The following AEBP2 variants were observed in gnomAD, a reference collection of about 807,000 sequenced individuals.
AEBP2 encodes the protein zinc finger protein AEBP2.
Under a neutral mutation model 50.8 loss-of-function variants are expected in AEBP2, and 10 were observed. The observed-to-expected ratio is 0.20, with a 90% CI of 0.12 to 0.33. The LOEUF is 0.33. AEBP2 is among the 10% of genes least tolerant of loss of function. The pLI is 1.00. For missense variants in AEBP2, 570 were observed against 688.0 expected (o/e 0.83, Z 1.92); for synonymous variants, 296 against 261.3 (o/e 1.13, Z -1.28).
rs71067027 is a variant in AEBP2, at chr12:19,481,092, C to CTTTTTTTTTTTTTTTTTTTTTTTTTT, written c.987+7738_987+7763dup. Among the ~76,000 whole-genome samples the CTTTTTTTTTTTTTTTTTTTTTTTTTT allele has an allele frequency of 8.1e-5, 6 of 74,050 alleles. 2 individuals carry two copies. The highest frequency in any genetic ancestry group is 1.1e-4 in the African/African-American group (2 of 17,554). The allele number at this position is 74,050 out of a possible 152,430, so 48.6% of individuals were successfully genotyped here. A position where few individuals can be genotyped will look rare whatever the true frequency, so the allele number is the denominator to read the frequency against. ...TGTTATTGAAACTTTGCAGTGCATC[C>CTTTTTTTTTTTTTTTTTTTTTTTTTT]TTTTTTTTTTTTTTTTTTTTTTTTT... On this transcript the variant is annotated intron_variant, in intron 3 of 7. Coordinates refer to ENST00000266508, the MANE Select transcript of AEBP2 (RefSeq NM_153207.5).
chr12:19,483,773 C>A (rs1376612681), intron 3 of AEBP2, among the ~76,000 whole-genome samples: 1 of 152,066 alleles, frequency 6.6e-6, no homozygotes, highest in Non-Finnish European at 1.5e-5. Context: ...TGGGTTGCTT[C>A]TTGTCTTATT....
At chr12:19,506,672 T>A (rs1275111574) in intron 5 of AEBP2, among the ~76,000 whole-genome samples, 1 of 152,158 alleles carries the variant, frequency 6.6e-6, no homozygotes, top group African/African-American at 2.4e-5. Context: ...CATGTTCACT[T>A]TGGTTTCTGT....
intron 4 of AEBP2, among the ~76,000 whole-genome samples, chr12:19,496,223 C>G (rs1948978170): frequency 6.6e-6 from 1 of 152,158 alleles, no homozygotes; most frequent in Non-Finnish European, 1.5e-5. Flanking sequence ...AAACAAAGTA[C>G]TGGTGCCGGC....
chr12:19,486,585 G>A (rs1592759793), intron 3 of AEBP2, among the ~76,000 whole-genome samples: 1 of 151,890 alleles, frequency 6.6e-6, no homozygotes, highest in African/African-American at 2.4e-5. Context: ...GTTTTGCCAC[G>A]TTGCCCAGGC....
At chr12:19,466,023 C>A (rs2153370938) in intron 2 of AEBP2, among the ~76,000 whole-genome samples, 1 of 151,968 alleles carries the variant, frequency 6.6e-6, no homozygotes, top group African/African-American at 2.4e-5. Flanking sequence ...AACTCCTGAT[C>A]TCAGGAGTTC....
chr12:19,487,173 T>C (rs749064666), intron 3 of AEBP2, among the ~76,000 whole-genome samples: 2 of 152,198 alleles, frequency 1.3e-5, no homozygotes, highest in Non-Finnish European at 2.9e-5. Flanking sequence ...TGAATATGTC[T>C]TGTGTTAGAT....
At chr12:19,513,610 A>C (rs1381489490) in intron 6 of AEBP2, among the ~76,000 whole-genome samples, 1 of 152,116 alleles carries the variant, frequency 6.6e-6, no homozygotes. Context: ...AAACAAAAAA[A>C]GAAATTAGCT....
chr12:19,437,496 C>T (rs1351657389), upstream of AEBP2, among the ~76,000 whole-genome samples: 2 of 152,092 alleles, frequency 1.3e-5, no homozygotes, highest in Non-Finnish European at 2.9e-5. Context: ...ACTTCAGCCT[C>T]CTGAGTAGCT....
At chr12:19,443,976 A>G (rs1948012071) in intron 1 of AEBP2, among the ~76,000 whole-genome samples, 1 of 152,046 alleles carries the variant, frequency 6.6e-6, no homozygotes, top group South Asian at 2.1e-4. Flanking sequence ...CTTTGGTTAT[A>G]AAGATAGTAG....
chr12:19,518,438 C>CA lies in AEBP2; in HGVS notation c.*321_*322insA, dbSNP rs1949351124. The CA allele has an allele frequency of 8.8e-7, 1 of 1,134,440 alleles. No homozygotes were observed. The highest frequency in any genetic ancestry group is 1.1e-6 in the Non-Finnish European group (1 of 907,376). 70.3% of individuals were successfully genotyped at this position (1,134,440 alleles called of 1,614,324 possible). A position where few individuals can be genotyped will look rare whatever the true frequency, so the allele number is the denominator to read the frequency against. ...TTTGCATGCTTGCTGCTTTAAGCTGCTTTTTTTTTTCTTTTCTTCCCTTTA... is the reference window on the plus strand; with the variant it reads ...TTTGCATGCTTGCTGCTTTAAGCTGCATTTTTTTTTTCTTTTCTTCCCTTTA... On this transcript the variant is annotated 3_prime_UTR_variant, in exon 8 of 8. Transcript: ENST00000266508.
At chr12:19,495,161 C>G (rs574052523) in intron 4 of AEBP2, among the ~76,000 whole-genome samples, 1 of 152,270 alleles carries the variant, frequency 6.6e-6, no homozygotes, top group Non-Finnish European at 1.5e-5. Context: ...CCTTGGCCTC[C>G]CAAAGTGCTG....
rs536663162 is a variant in AEBP2, at chr12:19,461,155, A to G, written c.672-1355A>G. ...AGGGAAACATACCTCTTTAAAGTTAATATAATTTTCACAACTTGACTTGTG... is the reference window on the plus strand; with the variant it reads ...AGGGAAACATACCTCTTTAAAGTTAGTATAATTTTCACAACTTGACTTGTG... On this transcript the variant is annotated intron_variant, in intron 1 of 7. Transcript: ENST00000266508. 5.3e-5 allele frequency among the ~76,000 whole-genome samples: 8 copies of G among 152,348 alleles called. 1 individual carries two copies. Among genetic ancestry groups the G allele is most frequent in the East Asian group, 3.9e-4 (2 of 5,188 alleles).
intron 1 of AEBP2, chr12:19,457,008 A>G: frequency 6.3e-7 from 1 of 1,587,014 alleles, no homozygotes; most frequent in Non-Finnish European, 8.6e-7. Context: ...CCTTGAACCA[A>G]GGCATGTTAA....
At chr12:19,514,005 T>C (rs1446080256) in intron 6 of AEBP2, among the ~76,000 whole-genome samples, 1 of 151,698 alleles carries the variant, frequency 6.6e-6, no homozygotes, top group Non-Finnish European at 1.5e-5. Context: ...TTTTGTTTTT[T>C]TGGTTTTTTT....
chr12:19,469,484 A>G (rs1383709218), intron 2 of AEBP2, among the ~76,000 whole-genome samples: 3 of 152,214 alleles, frequency 2.0e-5, no homozygotes, highest in African/African-American at 7.2e-5. Context: ...CTGCAAAGTG[A>G]AAGAACTGGA....
chr12:19,497,325 G>C (rs1239676195), intron 4 of AEBP2, among the ~76,000 whole-genome samples: 1 of 95,620 alleles, frequency 1.0e-5, no homozygotes, highest in Non-Finnish European at 1.8e-5. Flanking sequence ...GGTTTCCAAA[G>C]GTGTTTTTTT....
intron 1 of AEBP2, among the ~76,000 whole-genome samples, chr12:19,422,590 G>A (rs865814561): frequency 2.6e-5 from 4 of 151,770 alleles, no homozygotes; most frequent in Non-Finnish European, 5.9e-5. Flanking sequence ...TCCACCTCCC[G>A]GATTCAAGCG....
At chr12:19,506,298 C>T (rs1949155223) in intron 5 of AEBP2, among the ~76,000 whole-genome samples, 1 of 151,936 alleles carries the variant, frequency 6.6e-6, no homozygotes, top group South Asian at 2.1e-4. Flanking sequence ...TGGGATTTCG[C>T]CATGTTGGCC....
At chr12:19,468,602 TATC>T (rs1948523087) in intron 2 of AEBP2, among the ~76,000 whole-genome samples, 1 of 152,238 alleles carries the variant, frequency 6.6e-6, no homozygotes, top group South Asian at 2.1e-4. Context: ...TTATCTATAT[TATC>T]ATACAAGCCA....
Sources: gnomAD v4.1 joint callset for allele counts (sites outside exome capture counted in the v4.1 genomes callset) on GRCh38, gnomAD v4.1.1 for gene constraint, MANE v1.5 for transcripts, NCBI Gene and HGNC (gene_info 2026-07-23, HGNC 2026-07-21) for gene names.